Variants in SEMA4B observed in about 807,000 individuals in gnomAD.
SEMA4B encodes the protein semaphorin 4B, also known as semaphorin-4B.
Under a neutral mutation model 88.1 loss-of-function variants are expected in SEMA4B, and 55 were observed. That is an observed-to-expected ratio of 0.62 (90% CI 0.50 to 0.78). SEMA4B has a LOEUF of 0.78. Among genes scored for constraint, SEMA4B ranks in the 30% least tolerant of loss-of-function variants. SEMA4B has a pLI of 0.00. For synonymous variants in SEMA4B, 525 were observed against 473.6 expected (o/e 1.11, Z -1.41); for missense variants, 1,062 against 1,111.9 (o/e 0.96, Z 0.64).
chr15:90,200,225 G>T (rs1440860829), upstream of SEMA4B, among the ~76,000 whole-genome samples: 1 of 152,224 alleles, frequency 6.6e-6, no homozygotes, highest in Non-Finnish European at 1.5e-5. Flanking sequence ...GAAAAGAGGT[G>T]CTCTGAGGAG....
rs1474737243 is a variant in SEMA4B, at chr15:90,229,292, T to C, written c.*649T>C. 8.8e-6 allele frequency: 4 copies of C among 456,686 alleles called. No homozygotes were observed. Among genetic ancestry groups the C allele is most frequent in the Non-Finnish European group, 1.8e-5 (4 of 226,970 alleles). 28.3% of individuals were successfully genotyped at this position (456,686 alleles called of 1,614,324 possible). A position where few individuals can be genotyped will look rare whatever the true frequency, so the allele number is the denominator to read the frequency against. On this transcript the variant is annotated 3_prime_UTR_variant, in exon 14 of 14. Coordinates refer to ENST00000411539, the MANE Select transcript of SEMA4B (RefSeq NM_198925.4). ...ACCCAACTCCTGGACCTTTCCAGCC[T>C]GTATCAGGCTGTGGCCACACGAGAG...
intron 1 of SEMA4B, among the ~76,000 whole-genome samples, chr15:90,204,819 A>G (rs981081166): frequency 6.6e-6 from 1 of 152,194 alleles, no homozygotes; most frequent in East Asian, 1.9e-4. Flanking sequence ...TCTGTCTCCC[A>G]GGCTGGAGTA....
chr15:90,207,034 T>C, intron 1 of SEMA4B: 2 of 375,814 alleles, frequency 5.3e-6, no homozygotes, highest in South Asian at 2.4e-5. Flanking sequence ...CTATACTTAT[T>C]AGCTCACCAT....
upstream of SEMA4B, among the ~76,000 whole-genome samples, chr15:90,199,504 C>G (rs113405045): frequency 2.6e-5 from 4 of 151,922 alleles, no homozygotes; most frequent in Admixed American, 1.3e-4. Context: ...ATGTTGGGCT[C>G]GAGATGGTTT....
chr15:90,225,776 G>A lies in SEMA4B; in HGVS notation c.1637G>A (p.Ser546Asn). The A allele has an allele frequency of 6.4e-7, 1 of 1,567,412 alleles. No individual in the cohort carries two copies. The highest frequency in any genetic ancestry group is 8.6e-7 in the Non-Finnish European group (1 of 1,157,700). Reference sequence around the variant, plus strand: ...GCCCGGGACCCCTACTGTGCTTGGAGCGGCTCCAGCTGCAAGCACGTCAGC... The same window carrying A: ...GCCCGGGACCCCTACTGTGCTTGGAACGGCTCCAGCTGCAAGCACGTCAGC... ...LLARDPYCAWSGSSCKHVSLY... is the reference protein window; with the variant it reads ...LLARDPYCAWNGSSCKHVSLY... Residue 546 changes from serine (S) to asparagine (N), a missense_variant, in exon 12 of 14, where the codon AGC (serine) becomes AAC (asparagine). By Grantham distance (46) the Ser-to-Asn change is conservative. Coordinates refer to ENST00000411539, the MANE Select transcript of SEMA4B (RefSeq NM_198925.4).
At chr15:90,185,686 G>T (rs1960143342) in intron 1 of SEMA4B, among the ~76,000 whole-genome samples, 1 of 152,194 alleles carries the variant, frequency 6.6e-6, no homozygotes, top group African/African-American at 2.4e-5. Flanking sequence ...TTAAACACAG[G>T]ATTCCTCTAA....
intron 1 of SEMA4B, among the ~76,000 whole-genome samples, chr15:90,188,830 G>A (rs1265994410): frequency 2.0e-5 from 3 of 151,694 alleles, no homozygotes; most frequent in African/African-American, 7.3e-5. Context: ...ACCACGCCCG[G>A]CTAATTTTTT....
At chr15:90,198,938 G>A (rs7166795), upstream of SEMA4B, among the ~76,000 whole-genome samples, 26,988 of 152,134 alleles carry the variant, frequency 0.18, 3,285 homozygotes, top group East Asian at 0.59. Context: ...CACAATCTCA[G>A]CTCACTGCAA....
intron 11 of SEMA4B, 78 bp from the exon 12 acceptor site, chr15:90,225,583 G>T: frequency 6.7e-7 from 1 of 1,494,246 alleles, no homozygotes. Context: ...GGCTCTGGGA[G>T]GCATACAAGC....
chr15:90,185,792 T>C (rs1339067739), intron 1 of SEMA4B, among the ~76,000 whole-genome samples: 2 of 152,034 alleles, frequency 1.3e-5, no homozygotes, highest in Non-Finnish European at 1.5e-5. Context: ...GATGTAGAAA[T>C]CACCTTGGCC....
intron 1 of SEMA4B, among the ~76,000 whole-genome samples, chr15:90,186,504 A>G (rs1960170997): frequency 6.6e-6 from 1 of 152,102 alleles, no homozygotes; most frequent in Non-Finnish European, 1.5e-5. Flanking sequence ...CTGTAATCGC[A>G]GCGACTTGGG....
upstream of SEMA4B, among the ~76,000 whole-genome samples, chr15:90,199,900 G>A (rs1368590899): frequency 6.6e-6 from 1 of 152,084 alleles, no homozygotes; most frequent in East Asian, 1.9e-4. Context: ...AGGGGTTTGG[G>A]TATCACTGGC....
At chr15:90,218,184 G>A (rs960788436) in intron 3 of SEMA4B, among the ~76,000 whole-genome samples, 2 of 152,160 alleles carry the variant, frequency 1.3e-5, no homozygotes, top group African/African-American at 4.8e-5. Context: ...AGATTGGGTG[G>A]GGTGAGAGTT....
intron 1 of SEMA4B, among the ~76,000 whole-genome samples, chr15:90,204,153 G>T (rs1216711231): frequency 6.6e-6 from 1 of 150,640 alleles, no homozygotes; most frequent in Non-Finnish European, 1.5e-5. Flanking sequence ...TCCTGGGCAG[G>T]CTCGTGGTGA....
chr15:90,225,489 C>T (rs1596159857), intron 11 of SEMA4B, 92 bp downstream of exon 11: 1 of 1,350,280 alleles, frequency 7.4e-7, no homozygotes, highest in Non-Finnish European at 1.0e-6. Flanking sequence ...CCTCCCTTGC[C>T]TCAGGAGGAT....
intron 1 of SEMA4B, chr15:90,215,013 C>G: frequency 7.9e-7 from 1 of 1,259,600 alleles, no homozygotes; most frequent in Non-Finnish European, 1.0e-6. Flanking sequence ...GGGCGTGTTG[C>G]ACTTTTTGCT....
upstream of SEMA4B, among the ~76,000 whole-genome samples, chr15:90,197,595 G>A (rs552309910): frequency 4.0e-5 from 6 of 151,594 alleles, no homozygotes; most frequent in Admixed American, 2.0e-4. Context: ...CCGCCACCAC[G>A]CCCGGCTAAT....
intron 1 of SEMA4B, chr15:90,185,196 C>A (rs1441854818): frequency 5.7e-6 from 3 of 527,968 alleles, no homozygotes; most frequent in Non-Finnish European, 7.3e-6. Context: ...TCCCGCCCGG[C>A]CCCTCTCCCC....
intron 11 of SEMA4B, 122 bp from the exon 12 acceptor site, chr15:90,225,539 G>A: frequency 7.7e-7 from 1 of 1,299,776 alleles, no homozygotes; most frequent in Non-Finnish European, 1.1e-6. Flanking sequence ...TTAGAAAGTG[G>A]GGTCGCCTGT....
Sources: gnomAD v4.1 joint callset for allele counts (sites outside exome capture counted in the v4.1 genomes callset) on GRCh38, gnomAD v4.1.1 for gene constraint, MANE v1.5 for transcripts, NCBI Gene and HGNC (gene_info 2026-07-23, HGNC 2026-07-21) for gene names.